The following RAPGEF2 variants were observed in gnomAD, a reference collection of about 807,000 sequenced individuals.
The protein encoded by RAPGEF2 is PDZ domain containing guanine nucleotide exchange factor (GEF) 1.
In RAPGEF2, 54 loss-of-function variants were observed where a neutral mutation model predicts 186.7. That is an observed-to-expected ratio of 0.29 (90% CI 0.23 to 0.36). The LOEUF (loss-of-function observed/expected upper bound fraction) is 0.36. Ranked by LOEUF, RAPGEF2 falls within the 10% of genes least tolerant of loss-of-function variation. The pLI is 1.00. For synonymous variants in RAPGEF2, 712 were observed against 705.9 expected (o/e 1.01, Z -0.14); for missense variants, 1,532 against 2,045.0 (o/e 0.75, Z 4.84).
chr4:159,281,753 C>T (rs1759752337), intron 7 of RAPGEF2, among the ~76,000 whole-genome samples: 1 of 150,842 alleles, frequency 6.6e-6, no homozygotes, highest in Non-Finnish European at 1.5e-5. Flanking sequence ...ATTAAGTGCT[C>T]TGTGTGTGTT....
intron 7 of RAPGEF2, among the ~76,000 whole-genome samples, chr4:159,249,757 T>G (rs1168086206): frequency 6.6e-6 from 1 of 152,142 alleles, no homozygotes; most frequent in Non-Finnish European, 1.5e-5. Context: ...AGTAACAGCT[T>G]ATTTGAGATA....
chr4:159,203,747 G>A (rs994226280), intron 3 of RAPGEF2, among the ~76,000 whole-genome samples: 10 of 152,266 alleles, frequency 6.6e-5, no homozygotes, highest in African/African-American at 9.6e-5. Context: ...TTTCAGAGAC[G>A]ATCGTAAGAG....
At chr4:159,240,807 G>GT (rs373635263) in intron 5 of RAPGEF2, among the ~76,000 whole-genome samples, 3,967 of 132,896 alleles carry the variant, frequency 0.03, 65 homozygotes, top group African/African-American at 0.042. Flanking sequence ...TTCCATCAGG[G>GT]TTTTTTTTTT....
At chr4:159,172,589 T>G (rs1019747641) in intron 1 of RAPGEF2, among the ~76,000 whole-genome samples, 2 of 152,178 alleles carry the variant, frequency 1.3e-5, no homozygotes, top group African/African-American at 4.8e-5. Context: ...TTTATGAATG[T>G]GATGGAGTCT....
chr4:159,108,522 A>T (rs1738149410), intron 1 of RAPGEF2, among the ~76,000 whole-genome samples: 2 of 151,984 alleles, frequency 1.3e-5, no homozygotes, highest in Admixed American at 1.3e-4. Context: ...GAAAGGAAGG[A>T]TGCAGTGTTA....
chr4:159,278,620 G>T (rs981959032), intron 7 of RAPGEF2, among the ~76,000 whole-genome samples: 1 of 152,156 alleles, frequency 6.6e-6, no homozygotes. Context: ...TGTGACCTTT[G>T]TGAAGAAAGT....
At chr4:159,236,048 A>C (rs1428667422) in intron 4 of RAPGEF2, among the ~76,000 whole-genome samples, 2 of 152,124 alleles carry the variant, frequency 1.3e-5, no homozygotes, top group Non-Finnish European at 2.9e-5. Context: ...GAAAAAATAG[A>C]TTGTTGAGTA....
Position 159,103,863 on chromosome 4 carries a change from CGAGGAAGAG to C in RAPGEF2, c.-294_-286del, listed in dbSNP as rs1737459992. 6.7e-6 allele frequency: 1 copy of C among 149,362 alleles called. No homozygotes were observed. Among genetic ancestry groups the C allele is most frequent in the African/African-American group, 2.5e-5 (1 of 39,802 alleles). The allele number at this position is 149,362 out of a possible 1,614,324, so 9.3% of individuals were successfully genotyped here. A position where few individuals can be genotyped will look rare whatever the true frequency, so the allele number is the denominator to read the frequency against. ...GGGCCGGAGGAAGCCGGCGGAGCGG[CGAGGAAGAG>C]GAGGAGGAGGAGGAAGGGGAGTTCC... On this transcript the variant is annotated 5_prime_UTR_variant, in exon 1 of 30. Transcript: ENST00000691494.
chr4:159,355,572 T>G (rs1731852524), intron 28 of RAPGEF2, among the ~76,000 whole-genome samples: 1 of 152,170 alleles, frequency 6.6e-6, no homozygotes, highest in South Asian at 2.1e-4. Context: ...TTACAGACCA[T>G]TTTAAATGGA....
At chr4:159,318,782 T>C (rs1307715225) in intron 9 of RAPGEF2, among the ~76,000 whole-genome samples, 1 of 152,210 alleles carries the variant, frequency 6.6e-6, no homozygotes, top group African/African-American at 2.4e-5. Context: ...ACATTTCTTA[T>C]ATAAAATTGT....
chr4:159,321,665 T>C (rs1241581566), intron 9 of RAPGEF2, among the ~76,000 whole-genome samples: 2 of 152,144 alleles, frequency 1.3e-5, no homozygotes, highest in Non-Finnish European at 2.9e-5. Context: ...CACAGGACTT[T>C]TAAAAATAGA....
chr4:159,356,794 G>T (rs537646961), intron 29 of RAPGEF2, among the ~76,000 whole-genome samples: 7 of 152,074 alleles, frequency 4.6e-5, no homozygotes, highest in Non-Finnish European at 8.8e-5. Context: ...CCAGCTGCTC[G>T]GGAGGCTGAG....
intron 1 of RAPGEF2, among the ~76,000 whole-genome samples, chr4:159,160,185 T>A (rs1744559207): frequency 6.6e-6 from 1 of 152,250 alleles, no homozygotes; most frequent in African/African-American, 2.4e-5. Context: ...GTAGTTATTT[T>A]ATGAAATGTA....
chr4:159,161,351 A>G (rs1744683119), intron 1 of RAPGEF2, among the ~76,000 whole-genome samples: 1 of 152,230 alleles, frequency 6.6e-6, no homozygotes, highest in African/African-American at 2.4e-5. Context: ...AAAAATTTGT[A>G]TCATAAACAA....
At chr4:159,183,869 C>T (rs1457724877) in intron 1 of RAPGEF2, among the ~76,000 whole-genome samples, 1 of 152,082 alleles carries the variant, frequency 6.6e-6, no homozygotes, top group Non-Finnish European at 1.5e-5. Context: ...TTAGGTATAT[C>T]TCCTAATGCT....
rs1737860317 is a variant in RAPGEF2 at position 159,106,198 on chromosome 4, C to T, written c.69+1967C>T. 2.0e-5 allele frequency among the ~76,000 whole-genome samples: 3 copies of T among 152,302 alleles called. No individual in the cohort carries two copies. The South Asian group carries it at 6.2e-4, about 32-fold the overall frequency. ...AAGGCAGCCCATTTGCCCTACCAAACCTTCATAGAAAAAGTAAACATAAGG... is the reference window on the plus strand; with the variant it reads ...AAGGCAGCCCATTTGCCCTACCAAATCTTCATAGAAAAAGTAAACATAAGG... On this transcript the variant is annotated intron_variant, in intron 1 of 29. Transcript: ENST00000691494.
chr4:159,173,463 A>G (rs11933601), intron 1 of RAPGEF2, among the ~76,000 whole-genome samples: 9,847 of 152,150 alleles, frequency 0.065, 444 homozygotes, highest in South Asian at 0.13. Context: ...TGCAGACTCT[A>G]TGGCCCTTTG....
intron 2 of RAPGEF2, among the ~76,000 whole-genome samples, chr4:159,189,675 A>G (rs1747915193): frequency 6.6e-6 from 1 of 152,194 alleles, no homozygotes; most frequent in African/African-American, 2.4e-5. Flanking sequence ...TCTCATAGGA[A>G]CTCAGGGAAG....
chr4:159,206,054 C>G (rs1186192604), intron 3 of RAPGEF2, among the ~76,000 whole-genome samples: 1 of 152,030 alleles, frequency 6.6e-6, no homozygotes, highest in Non-Finnish European at 1.5e-5. Context: ...CTCAGCCTCC[C>G]GAGTAGCTGG....
Sources: allele counts gnomAD v4.1 joint callset (sites outside exome capture counted in the v4.1 genomes callset), GRCh38; gene constraint gnomAD v4.1.1; transcripts MANE v1.5; gene names NCBI Gene and HGNC (gene_info 2026-07-23, HGNC 2026-07-21).